FOXP2: variants seen among roughly 807,000 people sequenced by gnomAD.
The protein encoded by FOXP2 is forkhead box P2.
A neutral mutation model predicts 115.8 loss-of-function variants in FOXP2; 12 were observed. The ratio of observed to expected loss-of-function variants is 0.10; its 90% CI spans 0.07 to 0.17. The LOEUF (loss-of-function observed/expected upper bound fraction) is 0.17, where lower values mean the gene tolerates loss of function less well. FOXP2 is among the 10% of genes least tolerant of loss of function. The pLI is 1.00. For synonymous variants in FOXP2, 328 were observed against 297.7 expected (o/e 1.10, Z -1.05); for missense variants, 629 against 843.5 (o/e 0.75, Z 3.15).
In FOXP2 at chr7:114,445,510, C is replaced by A. The variant is rs149233896; in HGVS notation, c.168+18831C>A. On this transcript the variant is annotated intron_variant, in intron 2 of 16. Transcript: ENST00000350908. ...TCCAAATTTGGATTTTATTTAAAAT[C>A]AAAGATTGTAGAATAAAAAGCTGAG... is the stretch of plus-strand genomic sequence containing the variant. Among the ~76,000 whole-genome samples the A allele has an allele frequency of 3.9e-5, 6 of 152,128 alleles. No individual in the cohort carries two copies. In the East Asian group the frequency reaches 1.2e-3, roughly 29 times the overall value.
intron 3 of FOXP2, among the ~76,000 whole-genome samples, chr7:114,549,182 C>A (rs1486987228): frequency 6.6e-6 from 1 of 152,204 alleles, no homozygotes; most frequent in Non-Finnish European, 1.5e-5. Flanking sequence ...GATCCAGATA[C>A]TTTGCCCCAG....
At chr7:114,168,344 G>T (rs1326765647) in intron 1 of FOXP2, among the ~76,000 whole-genome samples, 3 of 152,176 alleles carry the variant, frequency 2.0e-5, no homozygotes, top group Non-Finnish European at 4.4e-5. Context: ...TAGCAATATG[G>T]ACGATAAAGT....
intron 2 of FOXP2, chr7:114,499,065 G>C: frequency 3.4e-6 from 2 of 584,606 alleles, no homozygotes; most frequent in Non-Finnish European, 3.1e-6. Context: ...CAGAAACCCT[G>C]GGGTTGGAGC....
upstream of FOXP2, among the ~76,000 whole-genome samples, chr7:114,158,582 T>G (rs377515198): frequency 1.3e-5 from 2 of 152,254 alleles, no homozygotes; most frequent in East Asian, 1.9e-4. Context: ...AAACTTTCCT[T>G]TGTCCTGCGC....
intron 2 of FOXP2, among the ~76,000 whole-genome samples, chr7:114,466,415 C>A (rs1464277226): frequency 6.6e-6 from 1 of 152,196 alleles, no homozygotes; most frequent in Admixed American, 6.5e-5. Flanking sequence ...GTATCAATGG[C>A]CTCCCAGATG....
At chr7:114,659,997 T>C (rs571237550) in intron 13 of FOXP2, among the ~76,000 whole-genome samples, 1 of 152,304 alleles carries the variant, frequency 6.6e-6, no homozygotes, top group South Asian at 2.1e-4. Context: ...TATTATTGGC[T>C]AATTAGTTTG....
chr7:114,392,051 G>A (rs2129194568), intron 2 of FOXP2, among the ~76,000 whole-genome samples: 2 of 152,284 alleles, frequency 1.3e-5, no homozygotes, highest in Middle Eastern at 6.8e-3. Context: ...GCCTGACACA[G>A]AATGAGAATG....
intron 1 of FOXP2, among the ~76,000 whole-genome samples, chr7:114,239,695 A>T (rs1015428433): frequency 6.6e-6 from 1 of 152,218 alleles, no homozygotes; most frequent in African/African-American, 2.4e-5. Context: ...AAAAGATAAC[A>T]TGTTACCATA....
chr7:114,582,722 A>C (rs1459759127), intron 3 of FOXP2, among the ~76,000 whole-genome samples: 1 of 152,210 alleles, frequency 6.6e-6, no homozygotes, highest in Non-Finnish European at 1.5e-5. Flanking sequence ...TAATTAATAA[A>C]ATAAAGCTTT....
intron 1 of FOXP2, among the ~76,000 whole-genome samples, chr7:114,187,779 A>G (rs1221827444): frequency 6.6e-6 from 1 of 152,090 alleles, no homozygotes; most frequent in Non-Finnish European, 1.5e-5. Context: ...TGAGTAATTT[A>G]TAATGAATAG....
At chr7:114,220,033 A>ATT (rs142683981) in intron 1 of FOXP2, among the ~76,000 whole-genome samples, 169 of 137,478 alleles carry the variant, frequency 1.2e-3, no homozygotes, top group Admixed American at 3.2e-3. Context: ...TGCTCAGCTA[A>ATT]TTTTTTTTTT....
chr7:114,140,778 G>A (rs532389863), intron 1 of FOXP2, among the ~76,000 whole-genome samples: 64 of 152,278 alleles, frequency 4.2e-4, no homozygotes, highest in African/African-American at 1.5e-3. Context: ...TAAAGGTGCT[G>A]GCTGCCCCAG....
At chr7:114,537,601 C>G (rs1272398352) in intron 3 of FOXP2, among the ~76,000 whole-genome samples, 1 of 151,440 alleles carries the variant, frequency 6.6e-6, no homozygotes, top group African/African-American at 2.4e-5. Context: ...TAGTATTTAT[C>G]TACTATTATT....
At position 114,515,282 on chromosome 7, in the gene FOXP2, G is replaced by T. The variant is rs1187466096; in HGVS notation, c.169-19335G>T. Among the ~76,000 whole-genome samples, 146 of 150,894 alleles carry T rather than the reference G, an allele frequency of 9.7e-4. 1 individual carries two copies. The highest frequency in any genetic ancestry group is 3.3e-3 in the African/African-American group (134 of 40,762). On this transcript the variant is annotated intron_variant, in intron 2 of 16. Coordinates refer to ENST00000350908, the MANE Select transcript of FOXP2 (RefSeq NM_014491.4). The stretch of plus-strand genomic sequence containing the variant: ...GGTATTTCTAGTTCTAGATCCCTGA[G>T]GAATCGCCACACTGACTTCCACAAG...
chr7:114,203,569 C>T (rs150260317), intron 1 of FOXP2, among the ~76,000 whole-genome samples: 4 of 152,234 alleles, frequency 2.6e-5, no homozygotes, highest in Non-Finnish European at 5.9e-5. Flanking sequence ...GGCTCAAACT[C>T]CTGGGCTCAA....
intron 8 of FOXP2, among the ~76,000 whole-genome samples, chr7:114,651,011 C>T (rs768704993): frequency 2.0e-5 from 3 of 151,960 alleles, no homozygotes; most frequent in Non-Finnish European, 2.9e-5. Flanking sequence ...ACTTTAATTA[C>T]TCTTCATATG....
At chr7:114,383,323 C>T (rs966950454) in intron 2 of FOXP2, among the ~76,000 whole-genome samples, 2 of 152,196 alleles carry the variant, frequency 1.3e-5, no homozygotes, top group South Asian at 2.1e-4. Flanking sequence ...CCTCCTCCCA[C>T]TGCTTGGAAG....
chr7:114,497,702 T>C (rs911514975), intron 2 of FOXP2, among the ~76,000 whole-genome samples: 2 of 145,346 alleles, frequency 1.4e-5, no homozygotes, highest in Non-Finnish European at 3.0e-5. Flanking sequence ...AATAAATAAA[T>C]AAATAAAAGT....
chr7:114,470,411 TAA>T (rs1481478461), intron 2 of FOXP2, among the ~76,000 whole-genome samples: 1 of 152,216 alleles, frequency 6.6e-6, no homozygotes, highest in Non-Finnish European at 1.5e-5. Context: ...AGTCATTTTA[TAA>T]AGTTATTTTA....
Sources: allele counts gnomAD v4.1 joint callset (sites outside exome capture counted in the v4.1 genomes callset), GRCh38; gene constraint gnomAD v4.1.1; transcripts MANE v1.5; gene names NCBI Gene and HGNC (gene_info 2026-07-23, HGNC 2026-07-21).